The following ZNF829 variants were observed in gnomAD, a reference collection of about 807,000 sequenced individuals.
ZNF829 encodes the protein zinc finger protein 829.
A neutral mutation model predicts 35.2 loss-of-function variants in ZNF829; 25 were observed. The observed-to-expected ratio is 0.71, with a 90% CI of 0.52 to 0.99. The LOEUF (loss-of-function observed/expected upper bound fraction) is 0.99. ZNF829 is among the 50% of genes least tolerant of loss of function. The pLI is 0.00. For missense variants in ZNF829, 417 were observed against 515.3 expected, an observed-to-expected ratio of 0.81 and a Z score of 1.85; for synonymous variants, 136 against 163.2, an observed-to-expected ratio of 0.83 and a Z score of 1.27.
intron 5 of ZNF829, among the ~76,000 whole-genome samples, chr19:36,903,709 G>A (rs1020725824): frequency 2.0e-5 from 3 of 152,078 alleles, no homozygotes; most frequent in Non-Finnish European, 4.4e-5. Flanking sequence ...TGGCCAACAT[G>A]GGGAAACCTC....
At chr19:36,894,318 A>C (rs2073091214) in intron 5 of ZNF829, among the ~76,000 whole-genome samples, 1 of 152,242 alleles carries the variant, frequency 6.6e-6, no homozygotes, top group South Asian at 2.1e-4. Context: ...TATGAAAACA[A>C]ATCCATAAAA....
intron 5 of ZNF829, among the ~76,000 whole-genome samples, chr19:36,894,398 T>A (rs555695840): frequency 4.6e-5 from 7 of 152,070 alleles, no homozygotes; most frequent in Non-Finnish European, 1.0e-4. Context: ...CGAAAAAGCA[T>A]GGAACCATGA....
intron 5 of ZNF829, among the ~76,000 whole-genome samples, chr19:36,896,541 A>G (rs1025096956): frequency 6.6e-6 from 1 of 152,120 alleles, no homozygotes; most frequent in Non-Finnish European, 1.5e-5. Flanking sequence ...GGATTTGAAC[A>G]TCCCACTCTC....
rs1399515339 is a variant in ZNF829 at position 36,892,392 on chromosome 19, G to C, written c.399C>G (p.Asp133Glu). Residue 133 changes from aspartate to glutamate, a missense_variant, in exon 6 of 6, where the codon GAC becomes GAG. Transcript: ENST00000391711. ...HFSQVIITREDMSTFIQPTFL... is the reference protein window; with the variant it reads ...HFSQVIITREEMSTFIQPTFL... ...ATGTGGGCTGAATAAAAGTAGACATGTCTTCACGGGTAATTATTACTTGAC... is the reference window on the plus strand; with the variant it reads ...ATGTGGGCTGAATAAAAGTAGACATCTCTTCACGGGTAATTATTACTTGAC... 1 of 1,612,372 alleles carries C rather than the reference G, an allele frequency of 6.2e-7. No homozygotes were observed. Among genetic ancestry groups the C allele is most frequent in the Non-Finnish European group, 8.5e-7 (1 of 1,179,728 alleles).
At chr19:36,898,479 T>G (rs971399735) in intron 5 of ZNF829, among the ~76,000 whole-genome samples, 1 of 152,104 alleles carries the variant, frequency 6.6e-6, no homozygotes, top group Non-Finnish European at 1.5e-5. Flanking sequence ...CCGACTGAAA[T>G]GCCAGTCAGT....
intron 5 of ZNF829, chr19:36,893,053 GT>G (rs1357528970): frequency 2.5e-6 from 1 of 399,422 alleles, no homozygotes; most frequent in East Asian, 3.6e-5. Flanking sequence ...GATACTGTAT[GT>G]TTTGCAATTC....
intron 3 of ZNF829, among the ~76,000 whole-genome samples, chr19:36,913,500 C>T (rs749940409): frequency 3.9e-5 from 6 of 152,088 alleles, no homozygotes; most frequent in Non-Finnish European, 7.4e-5. Context: ...TCCAAAAACT[C>T]TGTAATTGCC....
Position 36,891,776 on chromosome 19 carries a change from G to A in ZNF829, c.1015C>T (p.Leu339Phe), listed in dbSNP as rs769658336. ...GCATGAATTCTGTGATGGTTAGTAA[G>A]TGTTGAGGCACTATTAAAGGCCTTC... ...CGKAFNSAST[L>F]TNHHRIHAGE... The change falls in exon 6 of 6, where the codon CTT becomes TTT. Residue 339 changes from leucine to phenylalanine, a missense_variant. Leu to Phe is a conservative substitution (Grantham distance 22). Transcript: ENST00000391711. 6 of 1,614,054 alleles carry A rather than the reference G, an allele frequency of 3.7e-6. No homozygotes were observed. In the African/African-American group the frequency reaches 6.7e-5, roughly 18 times the overall value.
chr19:36,892,618 G>A, intron 5 of ZNF829, 147 bp from the exon 6 acceptor site: 2 of 844,572 alleles, frequency 2.4e-6, no homozygotes, highest in Non-Finnish European at 3.6e-6. Context: ...AAACTGACAA[G>A]AAAAGCACAG....
Position 36,907,117 on chromosome 19 carries a change from A to G in ZNF829, c.319+812T>C, listed in dbSNP as rs1352662161. The G allele has an allele frequency of 5.6e-5, 8 of 143,392 alleles. No individual in the cohort carries two copies. The East Asian group carries it at 1.2e-3, about 21-fold the overall frequency. The allele number at this position is 143,392 out of a possible 1,614,324, so 8.9% of individuals were successfully genotyped here. On this transcript the variant is annotated intron_variant, in intron 5 of 5. Coordinates refer to ENST00000391711, the MANE Select transcript of ZNF829 (RefSeq NM_001037232.4). ...AAAAAAAAAAAAAAAAAAAATGTAT[A>G]TATATATATATATGTATATATTCAT...
chr19:36,908,499 G>A (rs1295900222), intron 3 of ZNF829, 40 bp from the exon 4 acceptor site: 2 of 1,564,528 alleles, frequency 1.3e-6, no homozygotes, highest in Admixed American at 2.0e-5. Context: ...AAGGAGAAAA[G>A]AAAAAGATGG....
chr19:36,889,253 T>G lies in ZNF829; in HGVS notation c.*2239A>C, dbSNP rs535416118. 1 of 152,146 alleles carries G rather than the reference T, an allele frequency of 6.6e-6. No homozygotes were observed. The highest frequency in any genetic ancestry group is 2.4e-5 in the African/African-American group (1 of 41,436). The allele number at this position is 152,146 out of a possible 1,614,324, so 9.4% of individuals were successfully genotyped here. On this transcript the variant is annotated 3_prime_UTR_variant, in exon 6 of 6. Coordinates refer to ENST00000391711, the MANE Select transcript of ZNF829 (RefSeq NM_001037232.4). ...TTTCATCAGGGATATTGGCTTGTAG[T>G]TTTTTTGTGTGTTTTATCCTTGCCT... is the stretch of plus-strand genomic sequence containing the variant.
intron 3 of ZNF829, among the ~76,000 whole-genome samples, chr19:36,910,087 A>ATT (rs1188231634): frequency 8.3e-6 from 1 of 120,122 alleles, no homozygotes. Flanking sequence ...TTCTTGAAAA[A>ATT]TTTTTTTTTT....
At position 36,891,699 on chromosome 19, in the gene ZNF829, G is replaced by A; in HGVS notation, c.1092C>T (p.Ser364=). 1 of 1,613,962 alleles carries A rather than the reference G, an allele frequency of 6.2e-7. No homozygotes were observed. The highest frequency in any genetic ancestry group is 8.5e-7 in the Non-Finnish European group (1 of 1,179,956). ...TTCTCTGATGTTGAATAAGTTCTGA[G>A]CTCTGAATAAAGGCCTTTCTACATT... ...CEECRKAFIQ[S]SELIQHQRIH... is the part of the protein sequence containing the mutation. The change falls in exon 6 of 6, where the codon AGC becomes AGT. Residue 364 remains serine (S), a synonymous_variant. Coordinates refer to ENST00000391711, the MANE Select transcript of ZNF829 (RefSeq NM_001037232.4).
intron 5 of ZNF829, chr19:36,907,695 A>C (rs2073230068): frequency 5.2e-6 from 2 of 387,338 alleles, no homozygotes; most frequent in African/African-American, 4.3e-5. Flanking sequence ...TACAAATCTA[A>C]ACGTAGCGTA....
intron 5 of ZNF829, chr19:36,893,147 G>A (rs546751675): frequency 3.6e-4 from 143 of 395,166 alleles, no homozygotes; most frequent in Non-Finnish European, 4.7e-4. Flanking sequence ...GGCGGGTGGA[G>A]TTCAGTGACT....
chr19:36,901,974 G>A (rs1449487890), intron 5 of ZNF829: 3 of 745,460 alleles, frequency 4.0e-6, no homozygotes, highest in South Asian at 1.4e-5. Context: ...AAAGGAATAA[G>A]GAATGTCCCA....
In ZNF829 at chr19:36,890,128, G is replaced by A. The variant is rs371314342; in HGVS notation, c.*1364C>T. ...TTATTCCACTATGGTCAGAGAAGAT[G>A]TTAGATATGATTTTGTTTTTTTAAA... On this transcript the variant is annotated 3_prime_UTR_variant, in exon 6 of 6. Transcript: ENST00000391711. 4 of 152,244 alleles carry A rather than the reference G, an allele frequency of 2.6e-5. No individual in the cohort carries two copies. The highest frequency in any genetic ancestry group is 7.2e-5 in the African/African-American group (3 of 41,552). 9.4% of individuals were successfully genotyped at this position (152,244 alleles called of 1,614,324 possible).
chr19:36,907,526 C>A (rs959701333), intron 5 of ZNF829: 3 of 173,336 alleles, frequency 1.7e-5, no homozygotes, highest in Non-Finnish European at 3.6e-5. Flanking sequence ...AAGAAATAAT[C>A]AAATGTTTGA....
Sources: gnomAD v4.1 joint callset for allele counts (sites outside exome capture counted in the v4.1 genomes callset) on GRCh38, gnomAD v4.1.1 for gene constraint, MANE v1.5 for transcripts, NCBI Gene and HGNC (gene_info 2026-07-23, HGNC 2026-07-21) for gene names.